The following PHACTR1 variants were observed in gnomAD, a reference collection of about 807,000 sequenced individuals.
PHACTR1 encodes the protein phosphatase and actin regulator 1.
PHACTR1 carries 16 observed loss-of-function variants against 69.2 expected under a neutral mutation model. The ratio of observed to expected loss-of-function variants is 0.23; its 90% CI spans 0.16 to 0.35. PHACTR1 has a LOEUF of 0.35. Among genes scored for constraint, PHACTR1 ranks in the 10% least tolerant of loss-of-function variants. The pLI is 1.00. For synonymous variants in PHACTR1, 312 were observed against 284.5 expected (o/e 1.10, Z -0.97); for missense variants, 510 against 734.7 (o/e 0.69, Z 3.54).
chr6:12,865,107 A>T (rs1268694450), intron 4 of PHACTR1, among the ~76,000 whole-genome samples: 1 of 152,114 alleles, frequency 6.6e-6, no homozygotes, highest in African/African-American at 2.4e-5. Context: ...CAACTTTTAA[A>T]ATGGGAAGTT....
intron 4 of PHACTR1, among the ~76,000 whole-genome samples, chr6:13,014,753 A>G (rs912163572): frequency 4.6e-5 from 7 of 152,220 alleles, no homozygotes; most frequent in Admixed American, 4.6e-4. Context: ...GCGCAGCCGC[A>G]TCTTCCAGGT....
At chr6:13,193,355 GTGTATATATATATATATA>G (rs769069223) in intron 7 of PHACTR1, among the ~76,000 whole-genome samples, 1 of 45,100 alleles carries the variant, frequency 2.2e-5, no homozygotes, top group African/African-American at 7.1e-5. Flanking sequence ...ATAGCTCTCT[GTGTATATATATATATATA>G]TATATATATA....
intron 5 of PHACTR1, among the ~76,000 whole-genome samples, chr6:13,077,369 G>A (rs2127788153): frequency 6.6e-6 from 1 of 152,140 alleles, no homozygotes; most frequent in African/African-American, 2.4e-5. Flanking sequence ...TGTACTCCAG[G>A]GCCTGCACAC....
At chr6:13,103,808 G>A (rs1049702676) in intron 5 of PHACTR1, among the ~76,000 whole-genome samples, 3 of 152,198 alleles carry the variant, frequency 2.0e-5, no homozygotes, top group Non-Finnish European at 2.9e-5. Context: ...TATTGGCAGG[G>A]TGCAGTGGCG....
intron 4 of PHACTR1, among the ~76,000 whole-genome samples, chr6:12,916,280 C>T (rs899163324): frequency 1.3e-5 from 2 of 152,304 alleles, no homozygotes; most frequent in Middle Eastern, 3.4e-3. Flanking sequence ...ATTTCTCATA[C>T]AAAACCCTGA....
At chr6:13,002,825 T>C (rs1798256905) in intron 4 of PHACTR1, among the ~76,000 whole-genome samples, 2 of 152,288 alleles carry the variant, frequency 1.3e-5, no homozygotes, top group South Asian at 4.1e-4. Context: ...ACAGAAAAGC[T>C]TGAGGAGTTA....
At chr6:12,912,001 T>A (rs967298684) in intron 4 of PHACTR1, among the ~76,000 whole-genome samples, 1 of 152,170 alleles carries the variant, frequency 6.6e-6, no homozygotes, top group Non-Finnish European at 1.5e-5. Flanking sequence ...TATTTGTTTG[T>A]TTGTTTATTT....
At chr6:13,241,278 A>G (rs1026950988) in intron 10 of PHACTR1, among the ~76,000 whole-genome samples, 19 of 152,284 alleles carry the variant, frequency 1.2e-4, no homozygotes, top group Admixed American at 8.5e-4. Flanking sequence ...GCCTGTTGCA[A>G]TGTGGGGAAC....
intron 4 of PHACTR1, among the ~76,000 whole-genome samples, chr6:12,904,674 CTT>C (rs1785539778): frequency 6.6e-6 from 1 of 152,086 alleles, no homozygotes; most frequent in Non-Finnish European, 1.5e-5. Flanking sequence ...ATAAATGACT[CTT>C]TACCTGCAGG....
intron 5 of PHACTR1, among the ~76,000 whole-genome samples, chr6:13,147,175 A>C (rs1201146461): frequency 1.3e-5 from 2 of 152,234 alleles, no homozygotes; most frequent in African/African-American, 4.8e-5. Context: ...ACGTTCCCAT[A>C]ATAAGGGACC....
intron 5 of PHACTR1, among the ~76,000 whole-genome samples, chr6:13,117,988 C>T (rs1337029181): frequency 1.3e-5 from 2 of 152,214 alleles, no homozygotes; most frequent in Non-Finnish European, 2.9e-5. Flanking sequence ...CACACAGAAT[C>T]TCATATTACT....
At chr6:13,161,519 T>G (rs1759005608) in intron 6 of PHACTR1, among the ~76,000 whole-genome samples, 1 of 148,134 alleles carries the variant, frequency 6.8e-6, no homozygotes, top group Admixed American at 6.8e-5. Flanking sequence ...TGGGCCAGAT[T>G]ATTAAATCAC....
intron 3 of PHACTR1, among the ~76,000 whole-genome samples, chr6:12,748,662 C>T (rs1355443465): frequency 6.6e-6 from 1 of 152,100 alleles, no homozygotes; most frequent in East Asian, 1.9e-4. Flanking sequence ...AATGTAAAGT[C>T]CCCTTGATCA....
intron 4 of PHACTR1, among the ~76,000 whole-genome samples, chr6:12,839,735 C>T (rs137936305): frequency 8.7e-4 from 133 of 152,222 alleles, no homozygotes; most frequent in African/African-American, 3.0e-3. Context: ...ACACACGGTT[C>T]GTTAAATTAT....
At chr6:13,082,906 C>T (rs1434820733) in intron 5 of PHACTR1, among the ~76,000 whole-genome samples, 1 of 152,136 alleles carries the variant, frequency 6.6e-6, no homozygotes, top group Non-Finnish European at 1.5e-5. Flanking sequence ...CCTGTTCACT[C>T]TGATGGTGGT....
In PHACTR1 at chr6:13,245,770, G is replaced by C. The variant is rs1255143029; in HGVS notation, c.1391+15577G>C. On this transcript the variant is annotated intron_variant, in intron 10 of 14. Transcript: ENST00000332995. This position sits in a 1 kb window ranked among gnomAD's most constrained non-coding sequence, Gnocchi z 4.1. ...TGGTATTTCCTAGGTTATCTTCCAGGGTTTTTATAGTTTTAGGTTTTAAGT... is the reference window on the plus strand; with the variant it reads ...TGGTATTTCCTAGGTTATCTTCCAGCGTTTTTATAGTTTTAGGTTTTAAGT... Among the ~76,000 whole-genome samples the C allele has an allele frequency of 6.6e-6, 1 of 151,932 alleles. No individual in the cohort carries two copies. Among genetic ancestry groups the C allele is most frequent in the East Asian group, 1.9e-4 (1 of 5,186 alleles).
At chr6:13,032,349 T>G (rs955984084) in intron 4 of PHACTR1, among the ~76,000 whole-genome samples, 3 of 152,250 alleles carry the variant, frequency 2.0e-5, no homozygotes, top group Non-Finnish European at 4.4e-5. Context: ...TTTTATTCTC[T>G]TCTCCACTTT....
intron 5 of PHACTR1, among the ~76,000 whole-genome samples, chr6:13,095,559 A>G (rs372555144): frequency 2.6e-5 from 4 of 152,172 alleles, no homozygotes; most frequent in Non-Finnish European, 5.9e-5. Flanking sequence ...TCCTCCCACT[A>G]TCCTAACTTT....
chr6:13,185,217 C>T (rs1425322308), intron 7 of PHACTR1, among the ~76,000 whole-genome samples: 1 of 152,146 alleles, frequency 6.6e-6, no homozygotes, highest in African/African-American at 2.4e-5. Context: ...CACCTACCAG[C>T]CATATGCCAA....
Sources: allele counts gnomAD v4.1 joint callset (sites outside exome capture counted in the v4.1 genomes callset), GRCh38; gene constraint gnomAD v4.1.1; non-coding constraint Gnocchi (gnomAD v3.1); transcripts MANE v1.5; gene names NCBI Gene and HGNC (gene_info 2026-07-23, HGNC 2026-07-21).